The following ENTREP2 variants were observed in gnomAD, a reference collection of about 807,000 sequenced individuals.
The protein encoded by ENTREP2 is endosomal transmembrane epsin interactor 2.
chr15:29,656,860 G>A, the ENTREP2 span, among the ~76,000 whole-genome samples: 1 of 152,158 alleles, frequency 6.6e-6, no homozygotes, highest in East Asian at 1.9e-4. Context: ...TTACCCAAGT[G>A]AACTGAAAAC....
chr15:29,462,816 A>G, the ENTREP2 span, among the ~76,000 whole-genome samples: 1 of 152,224 alleles, frequency 6.6e-6, no homozygotes, highest in Non-Finnish European at 1.5e-5. Flanking sequence ...GCTGTAGCTT[A>G]TCACAGAAAA....
At chr15:29,427,962 C>G in the ENTREP2 span, among the ~76,000 whole-genome samples, 1 of 152,108 alleles carries the variant, frequency 6.6e-6, no homozygotes, top group Non-Finnish European at 1.5e-5. Flanking sequence ...CCTTAAAAGT[C>G]CGAAACCAAC....
chr15:29,262,711 C>T, the ENTREP2 span, among the ~76,000 whole-genome samples: 3,580 of 152,292 alleles, frequency 0.024, 159 homozygotes, highest in African/African-American at 0.082. Context: ...GTGGACTGCT[C>T]TTGCAAATTA....
chr15:29,118,646 G>A, the ENTREP2 span, among the ~76,000 whole-genome samples: 1 of 152,244 alleles, frequency 6.6e-6, no homozygotes, highest in Admixed American at 6.5e-5. Context: ...GAGCCAGGGA[G>A]CCTTGGGCTT....
chr15:29,465,404 C>T, the ENTREP2 span, among the ~76,000 whole-genome samples: 1 of 152,192 alleles, frequency 6.6e-6, no homozygotes, highest in Non-Finnish European at 1.5e-5. Flanking sequence ...AACTGAGCCA[C>T]GTGACACTGC....
the ENTREP2 span, chr15:29,234,182 G>A: frequency 3.7e-6 from 6 of 1,602,088 alleles, no homozygotes; most frequent in South Asian, 6.6e-5. Flanking sequence ...TCTGGGTCCA[G>A]TATCTGACCA....
chr15:29,657,062 T>C, the ENTREP2 span, among the ~76,000 whole-genome samples: 1 of 152,206 alleles, frequency 6.6e-6, no homozygotes, highest in South Asian at 2.1e-4. Flanking sequence ...GCTCTTTTCT[T>C]TTTGAGACCG....
chr15:29,523,340 C>T, the ENTREP2 span, among the ~76,000 whole-genome samples: 1 of 152,048 alleles, frequency 6.6e-6, no homozygotes, highest in Non-Finnish European at 1.5e-5. Context: ...GAAAACAATT[C>T]CATTTATAAC....
At chr15:29,517,636 T>G in the ENTREP2 span, among the ~76,000 whole-genome samples, 1 of 152,178 alleles carries the variant, frequency 6.6e-6, no homozygotes, top group Non-Finnish European at 1.5e-5. Context: ...CCATTTATCC[T>G]GAAAGTAAAA....
the ENTREP2 span, among the ~76,000 whole-genome samples, chr15:29,621,165 G>A: frequency 1.3e-5 from 2 of 151,856 alleles, no homozygotes; most frequent in African/African-American, 4.8e-5. Context: ...CGAGGCAGGC[G>A]GATCACAAGG....
At chr15:29,451,292 C>T in the ENTREP2 span, among the ~76,000 whole-genome samples, 13 of 152,266 alleles carry the variant, frequency 8.5e-5, no homozygotes, top group South Asian at 2.7e-3. Flanking sequence ...CGGCCCTCGG[C>T]CCTCGCCTCT....
chr15:29,517,852 GT>G, the ENTREP2 span, among the ~76,000 whole-genome samples: 5 of 152,146 alleles, frequency 3.3e-5, no homozygotes, highest in African/African-American at 1.2e-4. Context: ...ACAAGGTGAT[GT>G]TTTTGTATTC....
the ENTREP2 span, among the ~76,000 whole-genome samples, chr15:29,244,361 T>C: frequency 1.3e-5 from 2 of 152,218 alleles, no homozygotes; most frequent in Non-Finnish European, 2.9e-5. Flanking sequence ...GGAGCAATCC[T>C]GTGAAAGCCA....
chr15:29,435,186 A>G, the ENTREP2 span, among the ~76,000 whole-genome samples: 1 of 152,088 alleles, frequency 6.6e-6, no homozygotes, highest in African/African-American at 2.4e-5. Flanking sequence ...TCTTTTTTGG[A>G]AAGTCTGCCT....
chr15:29,434,841 T>C, the ENTREP2 span, among the ~76,000 whole-genome samples: 9 of 152,150 alleles, frequency 5.9e-5, no homozygotes, highest in Non-Finnish European at 1.0e-4. Context: ...AAAACTAACA[T>C]TTCAAAATGG....
At chr15:29,362,461 G>A in the ENTREP2 span, among the ~76,000 whole-genome samples, 2 of 130,802 alleles carry the variant, frequency 1.5e-5, no homozygotes, top group African/African-American at 2.9e-5. Flanking sequence ...TGCAACTTCC[G>A]CCTCCCGGGT....
the ENTREP2 span, among the ~76,000 whole-genome samples, chr15:29,326,060 C>T: frequency 6.6e-6 from 1 of 152,058 alleles, no homozygotes; most frequent in Non-Finnish European, 1.5e-5. Flanking sequence ...AAATTCTCTA[C>T]AAACTAAGAA....
the ENTREP2 span, among the ~76,000 whole-genome samples, chr15:29,183,802 CAGAG>C: frequency 2.0e-5 from 3 of 152,120 alleles, no homozygotes; most frequent in Non-Finnish European, 4.4e-5. Flanking sequence ...TAATTTCAGA[CAGAG>C]GGAGGGACAG....
At chr15:29,395,736 G>T in the ENTREP2 span, among the ~76,000 whole-genome samples, 2 of 151,536 alleles carry the variant, frequency 1.3e-5, no homozygotes, top group African/African-American at 4.9e-5. Flanking sequence ...GTTTCGCCAC[G>T]TTGCCCAGGC....
Sources: allele counts gnomAD v4.1 joint callset (sites outside exome capture counted in the v4.1 genomes callset), GRCh38; gene constraint gnomAD v4.1.1; transcripts MANE v1.5; gene names NCBI Gene and HGNC (gene_info 2026-07-23, HGNC 2026-07-21).